ARHGAP10: variants seen among roughly 807,000 people sequenced by gnomAD.
ARHGAP10 encodes the protein rho GTPase-activating protein 10.
ARHGAP10 carries 87 observed loss-of-function variants against 108.6 expected under a neutral mutation model. The observed-to-expected ratio is 0.80, with a 90% confidence interval of 0.67 to 0.96. ARHGAP10 has a LOEUF of 0.96. Among genes scored for constraint, ARHGAP10 ranks in the 40% least tolerant of loss-of-function variants. ARHGAP10 has a pLI of 0.00. For synonymous variants in ARHGAP10, 347 were observed against 341.1 expected (o/e 1.02, Z -0.19); for missense variants, 939 against 954.5 (o/e 0.98, Z 0.21).
intron 14 of ARHGAP10, among the ~76,000 whole-genome samples, chr4:147,944,956 C>A (rs764884927): frequency 6.6e-6 from 1 of 152,158 alleles, no homozygotes; most frequent in African/African-American, 2.4e-5. Flanking sequence ...AATCTGTATA[C>A]GTTCTTCATT....
At chr4:148,029,996 C>T (rs951281550) in intron 19 of ARHGAP10, among the ~76,000 whole-genome samples, 1 of 146,636 alleles carries the variant, frequency 6.8e-6, no homozygotes, top group South Asian at 2.1e-4. Flanking sequence ...GCTCAGCATC[C>T]CCCCCCCCAC....
rs2059445019 is a variant in ARHGAP10, at chr4:147,965,036, C to T, written c.1463C>T (p.Pro488Leu). The change falls in exon 17 of 23, where the codon CCA becomes CTA. Residue 488 changes from proline (P) to leucine (L), a missense_variant. Coordinates refer to ENST00000336498, the MANE Select transcript of ARHGAP10 (RefSeq NM_024605.4). Reference sequence around the variant, plus strand: ...TTTTTTTTGGAAGAAAGCGGCAGCCCAGAATCTCGTGTTAATGCGATCCAT... The same window carrying T: ...TTTTTTTTGGAAGAAAGCGGCAGCCTAGAATCTCGTGTTAATGCGATCCAT... ...DFIVPAKSGS[P>L]ESRVNAIHFL... The T allele has an allele frequency of 6.4e-7, 1 of 1,570,286 alleles. No individual in the cohort carries two copies. The highest frequency in any genetic ancestry group is 8.6e-7 in the Non-Finnish European group (1 of 1,161,498).
At chr4:148,047,908 C>T (rs188758794) in intron 20 of ARHGAP10, among the ~76,000 whole-genome samples, 170 of 152,066 alleles carry the variant, frequency 1.1e-3, no homozygotes, top group Admixed American at 7.2e-4. Context: ...CTGCAACCTC[C>T]GCCTCCTGGG....
chr4:148,038,421 C>G (rs1367590626), intron 19 of ARHGAP10, among the ~76,000 whole-genome samples: 3 of 152,140 alleles, frequency 2.0e-5, no homozygotes, highest in African/African-American at 4.8e-5. Flanking sequence ...TTTATAATCC[C>G]CCCCATTTCA....
intron 4 of ARHGAP10, among the ~76,000 whole-genome samples, chr4:147,849,236 CTTT>C (rs536088589): frequency 4.7e-4 from 65 of 138,166 alleles, no homozygotes; most frequent in African/African-American, 1.6e-3. Flanking sequence ...AAAGACTCTG[CTTT>C]TTTTTTTTTT....
At chr4:148,049,870 C>T (rs1465444888) in intron 20 of ARHGAP10, among the ~76,000 whole-genome samples, 26 of 65,074 alleles carry the variant, frequency 4.0e-4, no homozygotes, top group Middle Eastern at 6.4e-3. Context: ...GTGGTGGTGG[C>T]GGTGGGAGGG....
In ARHGAP10 at chr4:147,742,476, C is replaced by CTTTTTTTT. The variant is rs11420720; in HGVS notation, c.154+10038_154+10045dup. ...TTACAGGAGAAATAGTCTGTGAACACTTTTTTTTTTTTTTTTTTTTTTTTG... is the reference window on the plus strand; with the variant it reads ...TTACAGGAGAAATAGTCTGTGAACACTTTTTTTTTTTTTTTTTTTTTTTTTTTTTTTTG... On this transcript the variant is annotated intron_variant, in intron 1 of 22. Transcript: ENST00000336498. 1.8e-4 allele frequency among the ~76,000 whole-genome samples: 16 copies of CTTTTTTTT among 86,520 alleles called. 1 individual carries two copies. The highest frequency in any genetic ancestry group is 3.9e-4 in the East Asian group (1 of 2,588). The allele number at this position is 86,520 out of a possible 152,430, so 56.8% of individuals were successfully genotyped here.
intron 13 of ARHGAP10, among the ~76,000 whole-genome samples, chr4:147,936,987 C>T (rs1737977029): frequency 6.6e-6 from 1 of 152,112 alleles, no homozygotes; most frequent in Non-Finnish European, 1.5e-5. Context: ...TTGTGAACTG[C>T]ACATGTGAGT....
intron 13 of ARHGAP10, among the ~76,000 whole-genome samples, chr4:147,914,869 A>G (rs1371390641): frequency 6.6e-6 from 1 of 152,172 alleles, no homozygotes; most frequent in Non-Finnish European, 1.5e-5. Flanking sequence ...TCTCTAAGCA[A>G]AAATTGGGCC....
At chr4:147,874,933 A>C in intron 7 of ARHGAP10, 88 bp from the exon 8 acceptor site, 1 of 1,306,812 alleles carries the variant, frequency 7.7e-7, no homozygotes, top group African/African-American at 1.5e-5. Flanking sequence ...TAAAAAATGT[A>C]ATTACATTTA....
At chr4:147,741,788 A>ATG (rs1560733820) in intron 1 of ARHGAP10, among the ~76,000 whole-genome samples, 3 of 20,030 alleles carry the variant, frequency 1.5e-4, no homozygotes, top group African/African-American at 2.2e-4. Context: ...ACACACACAC[A>ATG]CACGCACACA....
Position 147,881,822 on chromosome 4 carries a change from A to G in ARHGAP10, c.940-16A>G, listed in dbSNP as rs377621378. The G allele has an allele frequency of 9.3e-6, 15 of 1,612,916 alleles. No individual in the cohort carries two copies. Among genetic ancestry groups the G allele is most frequent in the East Asian group, 8.9e-5 (4 of 44,852 alleles). On this transcript the variant is annotated splice_polypyrimidine_tract_variant and intron_variant, in intron 9 of 22. Coordinates refer to ENST00000336498, the MANE Select transcript of ARHGAP10 (RefSeq NM_024605.4). ...ATCCTGTAGGTTTTGAGAATGTTCA[A>G]AATGATTATTTGCAGGGGGACGGAG...
chr4:148,044,457 C>T lies in ARHGAP10; in HGVS notation c.1868-2435C>T, dbSNP rs566956528. On this transcript the variant is annotated intron_variant, in intron 19 of 22. Coordinates refer to ENST00000336498, the MANE Select transcript of ARHGAP10 (RefSeq NM_024605.4). The stretch of plus-strand genomic sequence containing the variant: ...GGGAGGACTGAGGGCCTGGGTCCAG[C>T]CTCCTGCAGCCAGGGAGCTGCTGGC... Among the ~76,000 whole-genome samples the T allele has an allele frequency of 2.0e-5, 3 of 152,244 alleles. No homozygotes were observed. In the East Asian group the frequency reaches 5.8e-4, roughly 30 times the overall value.
chr4:147,766,031 A>G (rs1729795510), intron 1 of ARHGAP10, among the ~76,000 whole-genome samples: 2 of 152,180 alleles, frequency 1.3e-5, no homozygotes, highest in African/African-American at 2.4e-5. Flanking sequence ...CTGTAATCCC[A>G]GCACTTTGGT....
intron 22 of ARHGAP10, among the ~76,000 whole-genome samples, chr4:148,069,464 A>G (rs1196519807): frequency 6.6e-6 from 1 of 152,084 alleles, no homozygotes; most frequent in African/African-American, 2.4e-5. Context: ...GAGATGCAGG[A>G]TTCCCGGCCT....
chr4:147,858,494 CTG>C (rs1005948822), intron 5 of ARHGAP10: 1 of 152,192 alleles, frequency 6.6e-6, no homozygotes, highest in Admixed American at 6.5e-5. Flanking sequence ...GTTACATACT[CTG>C]TGTGTGTATG....
At chr4:147,776,751 C>T (rs1362057677) in intron 1 of ARHGAP10, among the ~76,000 whole-genome samples, 10 of 152,200 alleles carry the variant, frequency 6.6e-5, no homozygotes, top group African/African-American at 2.4e-5. Flanking sequence ...ACAGCTGCCT[C>T]GCTCATGGGG....
intron 1 of ARHGAP10, among the ~76,000 whole-genome samples, chr4:147,815,473 G>A (rs902987607): frequency 6.6e-6 from 1 of 152,088 alleles, no homozygotes; most frequent in Non-Finnish European, 1.5e-5. Context: ...GGCCGGAGGC[G>A]GGGGGCGGGG....
intron 1 of ARHGAP10, among the ~76,000 whole-genome samples, chr4:147,775,155 C>T (rs769959830): frequency 4.7e-4 from 71 of 152,102 alleles, no homozygotes; most frequent in Non-Finnish European, 5.0e-4. Flanking sequence ...CCTCGTGATC[C>T]ACTCGCCTCG....
Sources: gnomAD v4.1 joint callset for allele counts (sites outside exome capture counted in the v4.1 genomes callset) on GRCh38, gnomAD v4.1.1 for gene constraint, MANE v1.5 for transcripts, NCBI Gene and HGNC (gene_info 2026-07-23, HGNC 2026-07-21) for gene names.